PPP4R3B: variants seen among roughly 807,000 people sequenced by gnomAD.
The protein encoded by PPP4R3B is protein phosphatase 4 regulatory subunit 3B.
PPP4R3B carries 52 observed loss-of-function variants against 95.4 expected under a neutral mutation model. The ratio of observed to expected loss-of-function variants is 0.54; its 90% CI spans 0.44 to 0.69. The LOEUF is 0.69. Ranked by LOEUF, PPP4R3B falls within the 30% of genes least tolerant of loss-of-function variation. The probability of loss-of-function intolerance (pLI) is 0.00; values close to 1 mark genes in which losing one functional copy is unlikely to be tolerated. For missense variants in PPP4R3B, 1,003 were observed against 1,005.9 expected (o/e 1.00, Z 0.04); for synonymous variants, 407 against 343.9 (o/e 1.18, Z -2.03).
chr2:55,604,121 G>A (rs780457334), intron 2 of PPP4R3B, 45 bp from the exon 3 acceptor site: 6 of 1,453,342 alleles, frequency 4.1e-6, no homozygotes, highest in Admixed American at 2.0e-5. Flanking sequence ...TAGAAAAGAG[G>A]TATCTACAAA....
At chr2:55,577,285 T>C (rs1688810910) in intron 11 of PPP4R3B, 30 bp downstream of exon 11, 3 of 1,538,940 alleles carry the variant, frequency 1.9e-6, no homozygotes, top group Admixed American at 2.2e-5. Context: ...ATAATTTGCA[T>C]GTATTCATAA....
At chr2:55,575,969 CAAGTA>C (rs1035981231) in intron 11 of PPP4R3B, among the ~76,000 whole-genome samples, 1 of 152,126 alleles carries the variant, frequency 6.6e-6, no homozygotes, top group Admixed American at 6.5e-5. Flanking sequence ...ACTTTAAATG[CAAGTA>C]AAGAGTTTCA....
At chr2:55,584,736 C>A (rs970002234) in intron 7 of PPP4R3B, among the ~76,000 whole-genome samples, 1 of 152,246 alleles carries the variant, frequency 6.6e-6, no homozygotes, top group South Asian at 2.1e-4. Flanking sequence ...TAGGTAAGTA[C>A]CTGACCTGTA....
In PPP4R3B at chr2:55,598,824, ATAGCCT is replaced by A; in HGVS notation, c.507_512del (p.Glu169_Tyr171delinsAsp). 6.2e-7 allele frequency: 1 copy of A among 1,614,212 alleles called. No homozygotes were observed. The highest frequency in any genetic ancestry group is 1.1e-5 in the South Asian group (1 of 91,088). On this transcript the variant is annotated inframe_deletion, in exon 4 of 17. Coordinates refer to ENST00000616407, the MANE Select transcript of PPP4R3B (RefSeq NM_001122964.3). ...GGAACAGCTGCAATAGTTTTTTAAT[ATAGCCT>A]TCATTTTCCAAGGCGAGAGCCAGCT...
chr2:55,601,235 G>C (rs927627533), intron 3 of PPP4R3B, among the ~76,000 whole-genome samples: 1 of 151,606 alleles, frequency 6.6e-6, no homozygotes, highest in South Asian at 2.1e-4. Flanking sequence ...CAGATGCCTG[G>C]AAGGGTTAAG....
intron 2 of PPP4R3B, among the ~76,000 whole-genome samples, chr2:55,605,221 C>T (rs1043918240): frequency 6.6e-6 from 1 of 152,108 alleles, no homozygotes; most frequent in African/African-American, 2.4e-5. Context: ...GAAAGTTTAA[C>T]GTGGCTAAAA....
intron 15 of PPP4R3B, among the ~76,000 whole-genome samples, chr2:55,563,882 A>T (rs1350171838): frequency 6.6e-6 from 1 of 152,192 alleles, no homozygotes; most frequent in Admixed American, 6.5e-5. Context: ...ATCTTTATGT[A>T]ACTTTTGTAA....
intron 13 of PPP4R3B, chr2:55,565,638 C>T (rs1558959137): frequency 6.4e-6 from 1 of 155,828 alleles, no homozygotes; most frequent in African/African-American, 2.4e-5. Context: ...AAAAGAAAAA[C>T]ATATTTTTCA....
Position 55,585,128 on chromosome 2 carries a change from T to C in PPP4R3B, c.1156A>G (p.Ile386Val), listed in dbSNP as rs765906773. ...DLQVRSAATD[I>V]FSYLVEFSPS... The stretch of plus-strand genomic sequence containing the variant: ...CTAAATTCTACTAGATAAGAAAATA[T>C]ATCTGTAGCAGCTGATCTGACTTGC... The change falls in exon 7 of 17, where the codon ATA (isoleucine) becomes GTA (valine). Residue 386 changes from isoleucine (I) to valine (V), a missense_variant. By Grantham distance (29) the Ile-to-Val change is conservative (BLOSUM62 3). Transcript: ENST00000616407. 6.2e-7 allele frequency: 1 copy of C among 1,611,282 alleles called. No individual in the cohort carries two copies. The highest frequency in any genetic ancestry group is 8.5e-7 in the Non-Finnish European group (1 of 1,178,898).
chr2:55,573,843 T>G, intron 11 of PPP4R3B, 66 bp from the exon 12 acceptor site: 1 of 1,060,632 alleles, frequency 9.4e-7, no homozygotes, highest in Non-Finnish European at 1.3e-6. Context: ...TAAATAAAGC[T>G]TACATCCTAT....
intron 15 of PPP4R3B, among the ~76,000 whole-genome samples, chr2:55,559,978 T>G (rs1686381756): frequency 6.6e-6 from 1 of 151,980 alleles, no homozygotes. Flanking sequence ...AAAAATTAGC[T>G]GGGGGTGGTG....
At chr2:55,589,622 A>C (rs1690674462) in intron 4 of PPP4R3B, among the ~76,000 whole-genome samples, 1 of 152,164 alleles carries the variant, frequency 6.6e-6, no homozygotes, top group East Asian at 1.9e-4. Flanking sequence ...AAACAGAAAA[A>C]TATAGTCAAG....
At chr2:55,560,968 G>A (rs1440044796) in intron 15 of PPP4R3B, among the ~76,000 whole-genome samples, 1 of 152,158 alleles carries the variant, frequency 6.6e-6, no homozygotes, top group Non-Finnish European at 1.5e-5. Flanking sequence ...TTTCTGGGGA[G>A]AAATTCAAGC....
intron 3 of PPP4R3B, among the ~76,000 whole-genome samples, chr2:55,599,293 C>T (rs912114776): frequency 1.3e-5 from 2 of 152,058 alleles, no homozygotes; most frequent in African/African-American, 4.8e-5. Flanking sequence ...CAAAAATCAG[C>T]CAGGTGTGGT....
intron 15 of PPP4R3B, among the ~76,000 whole-genome samples, chr2:55,563,223 C>T (rs545902753): frequency 6.6e-6 from 1 of 152,228 alleles, no homozygotes; most frequent in South Asian, 2.1e-4. Flanking sequence ...ACTTATCAAA[C>T]TAATGAGTTG....
chr2:55,550,414 A>G (rs781493177), intron 16 of PPP4R3B, among the ~76,000 whole-genome samples: 6 of 152,208 alleles, frequency 3.9e-5, no homozygotes, highest in Non-Finnish European at 8.8e-5. Flanking sequence ...TCTTGTGTAT[A>G]TTTCATCACT....
At chr2:55,595,018 C>A (rs1188517474) in intron 4 of PPP4R3B, among the ~76,000 whole-genome samples, 1 of 150,562 alleles carries the variant, frequency 6.6e-6, no homozygotes, top group African/African-American at 2.4e-5. Flanking sequence ...TATCAGGACC[C>A]TTTTAAACTT....
intron 15 of PPP4R3B, among the ~76,000 whole-genome samples, chr2:55,562,655 C>T (rs574279720): frequency 6.6e-6 from 1 of 152,146 alleles, no homozygotes; most frequent in Non-Finnish European, 1.5e-5. Flanking sequence ...CAGTATAAAA[C>T]GAACTAATAC....
intron 10 of PPP4R3B, 92 bp downstream of exon 10, chr2:55,578,155 A>G (rs1219583912): frequency 2.5e-6 from 3 of 1,193,722 alleles, no homozygotes; most frequent in East Asian, 6.4e-5. Context: ...TTAAATTTAT[A>G]GCAACTTTGA....
Sources: allele counts gnomAD v4.1 joint callset (sites outside exome capture counted in the v4.1 genomes callset), GRCh38; gene constraint gnomAD v4.1.1; transcripts MANE v1.5; gene names NCBI Gene and HGNC (gene_info 2026-07-23, HGNC 2026-07-21).